Variants in NDUFAF6 observed in about 807,000 individuals in gnomAD.
The protein encoded by NDUFAF6 is NADH dehydrogenase (ubiquinone) complex I, assembly factor 6.
In NDUFAF6, 45 loss-of-function variants were observed where a neutral mutation model predicts 40.8. The ratio of observed to expected loss-of-function variants is 1.10; its 90% CI spans 0.87 to 1.42. The LOEUF is 1.42. Among genes scored for constraint, NDUFAF6 ranks in the 40% most tolerant of loss-of-function variants. NDUFAF6 has a pLI of 0.00. For missense variants in NDUFAF6, 435 were observed against 418.5 expected, an observed-to-expected ratio of 1.04 and a Z score of -0.34; for synonymous variants, 185 against 155.9, an observed-to-expected ratio of 1.19 and a Z score of -1.39.
chr8:94,962,944 T>C (rs1169889695), intron 1 of NDUFAF6, among the ~76,000 whole-genome samples: 2 of 151,776 alleles, frequency 1.3e-5, no homozygotes, highest in Non-Finnish European at 2.9e-5. Flanking sequence ...GCACCCACCA[T>C]CACGCCCATC....
At chr8:95,057,074 G>A (rs1214017845) in intron 8 of NDUFAF6, among the ~76,000 whole-genome samples, 5 of 152,112 alleles carry the variant, frequency 3.3e-5, no homozygotes, top group African/African-American at 9.7e-5. Context: ...GTTCTGTGCC[G>A]CAGAACTCTA....
At chr8:95,086,303 T>C (rs527310325) in intron 2 of NDUFAF6, among the ~76,000 whole-genome samples, 8 of 152,332 alleles carry the variant, frequency 5.3e-5, no homozygotes, top group African/African-American at 1.9e-4. Context: ...GAAAACAGTG[T>C]TCCCCTCAAC....
chr8:94,909,827 CACAT>C (rs1330226546), intron 1 of NDUFAF6, among the ~76,000 whole-genome samples: 3 of 150,316 alleles, frequency 2.0e-5, no homozygotes, highest in East Asian at 1.9e-4. Flanking sequence ...CACACACACA[CACAT>C]ATATATATAT....
intron 2 of NDUFAF6, among the ~76,000 whole-genome samples, chr8:94,949,621 C>T (rs984596352): frequency 6.6e-6 from 1 of 151,298 alleles, no homozygotes; most frequent in African/African-American, 2.4e-5. Flanking sequence ...AGGGGCTAGG[C>T]CGGGGAGGGA....
At chr8:95,099,424 G>T (rs900280724), upstream of NDUFAF6, among the ~76,000 whole-genome samples, 1 of 151,688 alleles carries the variant, frequency 6.6e-6, no homozygotes, top group African/African-American at 2.4e-5. Flanking sequence ...TCTGTCATCT[G>T]GCCAAAACTG....
intron 2 of NDUFAF6, among the ~76,000 whole-genome samples, chr8:94,946,108 T>C (rs1821963850): frequency 3.3e-5 from 1 of 30,190 alleles, no homozygotes; most frequent in Non-Finnish European, 1.4e-4. Context: ...TTTCTTCTGT[T>C]TTTTTTTTTC....
upstream of NDUFAF6, among the ~76,000 whole-genome samples, chr8:95,021,321 C>A (rs1349890578): frequency 6.6e-6 from 1 of 152,208 alleles, no homozygotes; most frequent in Non-Finnish European, 1.5e-5. Flanking sequence ...AAAGAGGGAA[C>A]AGCATAATCC....
intron 1 of NDUFAF6, among the ~76,000 whole-genome samples, chr8:94,964,097 C>T (rs1011812115): frequency 2.0e-5 from 3 of 151,996 alleles, no homozygotes; most frequent in Non-Finnish European, 4.4e-5. Context: ...GGAACCCTGG[C>T]GGTAGGACCC....
chr8:94,903,462 A>G (rs1434338393), intron 1 of NDUFAF6, among the ~76,000 whole-genome samples: 1 of 152,230 alleles, frequency 6.6e-6, no homozygotes, highest in African/African-American at 2.4e-5. Context: ...TTTTTCAAAA[A>G]CAAAAGCAAA....
At chr8:95,104,873 C>T (rs117215605), downstream of NDUFAF6, among the ~76,000 whole-genome samples, 225 of 152,162 alleles carry the variant, frequency 1.5e-3, 3 homozygotes, top group East Asian at 0.033. Context: ...AGATGAGCTG[C>T]GGCAGCCAGA....
upstream of NDUFAF6, among the ~76,000 whole-genome samples, chr8:95,096,873 A>G (rs1809479383): frequency 6.6e-6 from 1 of 152,224 alleles, no homozygotes. Flanking sequence ...GAAACACAGC[A>G]GGAAGGGGTT....
At chr8:95,065,410 A>G (rs1832679442) in intron 9 of NDUFAF6, among the ~76,000 whole-genome samples, 1 of 152,134 alleles carries the variant, frequency 6.6e-6, no homozygotes, top group African/African-American at 2.4e-5. Flanking sequence ...TCTACTGACA[A>G]CCACTATTAA....
chr8:95,064,038 A>ATTTTTTTTT (rs1160777112), intron 9 of NDUFAF6, among the ~76,000 whole-genome samples: 40 of 104,812 alleles, frequency 3.8e-4, no homozygotes, highest in East Asian at 7.9e-4. Flanking sequence ...CGCCTGGCTA[A>ATTTTTTTTT]TTTTTTTTTT....
In NDUFAF6 at chr8:95,058,039, A is replaced by T; in HGVS notation, c.*102A>T. The T allele has an allele frequency of 6.7e-7, 1 of 1,497,486 alleles. No individual in the cohort carries two copies. Among genetic ancestry groups the T allele is most frequent in the South Asian group, 1.3e-5 (1 of 75,130 alleles). The allele number at this position is 1,497,486 out of a possible 1,614,324, so 92.8% of individuals were successfully genotyped here. ...GAAATGACTGTTAAGGAGAAAATGA[A>T]TTTATTGAATGGGATGTCAAGTAGC... On this transcript the variant is annotated 3_prime_UTR_variant, in exon 9 of 9. Transcript: ENST00000396124.
At chr8:95,100,257 A>T (rs1563868550), upstream of NDUFAF6, 1 of 113,288 alleles carries the variant, frequency 8.8e-6, no homozygotes, top group Admixed American at 7.9e-5. Flanking sequence ...TGTGGTCTGC[A>T]TGCAAAAAAA....
chr8:94,951,153 AC>A (rs1563741890), intron 2 of NDUFAF6: 2 of 152,190 alleles, frequency 1.3e-5, no homozygotes, highest in Non-Finnish European at 2.9e-5. Context: ...AATGCCAGCC[AC>A]CCATGAGGAG....
chr8:95,100,881 C>T (rs1342543021), intron 1 of NDUFAF6, among the ~76,000 whole-genome samples: 1 of 152,182 alleles, frequency 6.6e-6, no homozygotes, highest in Non-Finnish European at 1.5e-5. Context: ...ATTTTGCTCT[C>T]TTCCCTCCCG....
At chr8:95,089,217 C>T (rs894733922) in intron 2 of NDUFAF6, among the ~76,000 whole-genome samples, 8 of 152,074 alleles carry the variant, frequency 5.3e-5, no homozygotes, top group Non-Finnish European at 7.4e-5. Flanking sequence ...CACACCACCT[C>T]GTCCAGCTAA....
chr8:95,063,348 C>A (rs1832617607), downstream of NDUFAF6, among the ~76,000 whole-genome samples: 1 of 152,224 alleles, frequency 6.6e-6, no homozygotes, highest in South Asian at 2.1e-4. Context: ...CGCCTGTAAT[C>A]TCAACACTTT....
Sources: allele counts gnomAD v4.1 joint callset (sites outside exome capture counted in the v4.1 genomes callset), GRCh38; gene constraint gnomAD v4.1.1; transcripts MANE v1.5; gene names NCBI Gene and HGNC (gene_info 2026-07-23, HGNC 2026-07-21).